The following RALGAPA1 variants were observed in gnomAD, a reference collection of about 807,000 sequenced individuals.
The protein encoded by RALGAPA1 is ral GTPase-activating protein subunit alpha-1.
Under a neutral mutation model 269.6 loss-of-function variants are expected in RALGAPA1, and 52 were observed. The ratio of observed to expected loss-of-function variants is 0.19; its 90% CI spans 0.15 to 0.24. The LOEUF (loss-of-function observed/expected upper bound fraction) is 0.24. Ranked by LOEUF, RALGAPA1 falls within the 10% of genes least tolerant of loss-of-function variation. The probability of loss-of-function intolerance (pLI) is 1.00; values close to 1 mark genes in which losing one functional copy is unlikely to be tolerated. For missense variants in RALGAPA1, 1,917 were observed against 3,013.9 expected (o/e 0.64, Z 8.52); for synonymous variants, 817 against 1,008.3 (o/e 0.81, Z 3.60).
chr14:35,604,108 C>T (rs1406884999), intron 36 of RALGAPA1, among the ~76,000 whole-genome samples: 1 of 152,006 alleles, frequency 6.6e-6, no homozygotes, highest in Non-Finnish European at 1.5e-5. Flanking sequence ...ATATGTTCCA[C>T]ATAAATATGT....
intron 1 of RALGAPA1, among the ~76,000 whole-genome samples, chr14:35,791,904 CAAAAAAAAAAAAAAA>C (rs773722682): frequency 2.1e-3 from 25 of 11,774 alleles, no homozygotes; most frequent in African/African-American, 5.1e-3. Context: ...GACTCTGTCT[CAAAAAAAAAAAAAAA>C]AAAAAAAAAA....
chr14:35,657,090 C>T (rs551095499), intron 28 of RALGAPA1, among the ~76,000 whole-genome samples: 2 of 152,090 alleles, frequency 1.3e-5, no homozygotes, highest in Non-Finnish European at 2.9e-5. Context: ...ACCCCCCCTC[C>T]ACAAGATGTC....
At chr14:35,758,700 G>GTT (rs2073419446) in intron 6 of RALGAPA1, among the ~76,000 whole-genome samples, 1 of 152,050 alleles carries the variant, frequency 6.6e-6, no homozygotes, top group Non-Finnish European at 1.5e-5. Context: ...GATCGCACCT[G>GTT]TGAATAGCCA....
intron 34 of RALGAPA1, 91 bp downstream of exon 34, chr14:35,626,999 T>A: frequency 1.6e-6 from 2 of 1,268,190 alleles, no homozygotes. Context: ...TAAAATTTAG[T>A]GAGGAAAAGA....
At chr14:35,761,459 T>C (rs1320368990) in intron 5 of RALGAPA1, among the ~76,000 whole-genome samples, 2 of 152,034 alleles carry the variant, frequency 1.3e-5, no homozygotes, top group African/African-American at 4.8e-5. Flanking sequence ...CCTGAAAAGT[T>C]CTGAAATTAT....
chr14:35,556,808 G>T (rs547666527), intron 39 of RALGAPA1, among the ~76,000 whole-genome samples: 7 of 152,258 alleles, frequency 4.6e-5, no homozygotes, highest in African/African-American at 1.7e-4. Context: ...TCCATAACAG[G>T]TGCTAAGGCA....
At chr14:35,635,051 A>T (rs2061584324) in intron 32 of RALGAPA1, among the ~76,000 whole-genome samples, 1 of 151,938 alleles carries the variant, frequency 6.6e-6, no homozygotes, top group Non-Finnish European at 1.5e-5. Context: ...GGCGCCTGTT[A>T]TCCCAGCTAC....
chr14:35,796,614 G>C (rs1401494324), intron 1 of RALGAPA1, among the ~76,000 whole-genome samples: 2 of 151,964 alleles, frequency 1.3e-5, no homozygotes, highest in Admixed American at 1.3e-4. Context: ...GTGATGAAGA[G>C]GTCTTAAAAG....
chr14:35,544,455 T>A (rs1419624319), intron 41 of RALGAPA1, among the ~76,000 whole-genome samples: 3 of 152,238 alleles, frequency 2.0e-5, no homozygotes, highest in South Asian at 2.1e-4. Context: ...AAGCATTTTT[T>A]AATTTCATAA....
At chr14:35,783,912 C>G (rs1395066385) in intron 1 of RALGAPA1, among the ~76,000 whole-genome samples, 1 of 151,990 alleles carries the variant, frequency 6.6e-6, no homozygotes, top group African/African-American at 2.4e-5. Context: ...ACAGACAATA[C>G]CAAGTGTTGG....
At chr14:35,664,935 C>T (rs1194249300) in intron 26 of RALGAPA1, among the ~76,000 whole-genome samples, 168 bp from the exon 27 acceptor site, 1 of 152,186 alleles carries the variant, frequency 6.6e-6, no homozygotes, top group Admixed American at 6.5e-5. Context: ...ATACTTTCCA[C>T]ATAAACTACT....
chr14:35,722,001 G>T, intron 15 of RALGAPA1, 152 bp from the exon 16 acceptor site: 1 of 579,400 alleles, frequency 1.7e-6, no homozygotes, highest in Non-Finnish European at 3.0e-6. Flanking sequence ...GCTTTTATGA[G>T]CTTCACTTTA....
intron 39 of RALGAPA1, among the ~76,000 whole-genome samples, chr14:35,565,997 G>T (rs966312602): frequency 2.0e-5 from 3 of 151,978 alleles, no homozygotes; most frequent in African/African-American, 7.3e-5. Context: ...ATAAACGATG[G>T]CTAGGATTAA....
At chr14:35,547,108 T>C (rs990552729) in intron 41 of RALGAPA1, among the ~76,000 whole-genome samples, 1 of 152,116 alleles carries the variant, frequency 6.6e-6, no homozygotes, top group South Asian at 2.1e-4. Context: ...TAGAGGATGG[T>C]TCTTAAATGC....
chr14:35,726,549 T>C (rs1440325631), intron 13 of RALGAPA1, among the ~76,000 whole-genome samples: 2 of 151,928 alleles, frequency 1.3e-5, no homozygotes, highest in East Asian at 1.9e-4. Context: ...CTTTGGGAGG[T>C]GGTCAAGGCA....
intron 40 of RALGAPA1, 142 bp from the exon 41 acceptor site, chr14:35,548,680 T>C (rs928646723): frequency 2.4e-5 from 13 of 545,442 alleles, no homozygotes; most frequent in African/African-American, 1.2e-4. Context: ...TTAATTATTG[T>C]AACATAAATT....
chr14:35,748,763 T>C lies in RALGAPA1; in HGVS notation c.1073A>G (p.Asp358Gly), dbSNP rs2072386764. ...ESKNDNADKT[D>G]RTTEPEQSHS... ...AGACTGTTCGGGTTCTGTAGTTCTG[T>C]CTGTTTTATCAGCATTATCATTTTT... Residue 358 changes from aspartate to glycine, a missense_variant, in exon 10 of 42, where the codon GAC becomes GGC. By Grantham distance (94) the Asp-to-Gly change is moderately conservative. This residue lies in a region of RALGAPA1 where 462 missense variants were observed against 725.6 expected (regional missense o/e 0.64). Coordinates refer to ENST00000680220, the MANE Select transcript of RALGAPA1 (RefSeq NM_001346249.2). 7 of 1,612,988 alleles carry C rather than the reference T, an allele frequency of 4.3e-6. No homozygotes were observed. The highest frequency in any genetic ancestry group is 2.2e-5 in the East Asian group (1 of 44,842).
chr14:35,771,000 C>T lies in RALGAPA1; in HGVS notation c.268-1G>A. On this transcript the variant is annotated splice_acceptor_variant, in intron 3 of 41. Transcript: ENST00000680220. LOFTEE classifies it high-confidence loss of function. ...TTTCTGGAAGAAGTTGTAAAATTTT[C>T]TAAAAATCAATATAAAGAGAAAAAA... is the stretch of plus-strand genomic sequence containing the variant. 7.5e-7 allele frequency: 1 copy of T among 1,326,456 alleles called. No individual in the cohort carries two copies. Among genetic ancestry groups the T allele is most frequent in the Non-Finnish European group, 1.1e-6 (1 of 950,766 alleles). 82.2% of individuals were successfully genotyped at this position (1,326,456 alleles called of 1,614,324 possible).
intron 1 of RALGAPA1, among the ~76,000 whole-genome samples, chr14:35,805,693 T>G (rs1595625663): frequency 6.7e-6 from 1 of 150,144 alleles, no homozygotes; most frequent in Non-Finnish European, 1.5e-5. Context: ...CTTTTTTTTT[T>G]TTTTTTCCTG....
Sources: gnomAD v4.1 joint callset for allele counts (sites outside exome capture counted in the v4.1 genomes callset) on GRCh38, gnomAD v4.1.1 for gene constraint, gnomAD v4.1.1 regional missense constraint, MANE v1.5 for transcripts, NCBI Gene and HGNC (gene_info 2026-07-23, HGNC 2026-07-21) for gene names.